The following ANKRD44 variants were observed in gnomAD, a reference collection of about 807,000 sequenced individuals.
ANKRD44 encodes the protein serine/threonine-protein phosphatase 6 regulatory ankyrin repeat subunit B.
A neutral mutation model predicts 116.0 loss-of-function variants in ANKRD44; 35 were observed. That is an observed-to-expected ratio of 0.30 (90% CI 0.23 to 0.40). ANKRD44 has a LOEUF of 0.40. ANKRD44 is among the 10% of genes least tolerant of loss of function. ANKRD44 has a pLI of 1.00. For synonymous variants in ANKRD44, 435 were observed against 461.8 expected, an observed-to-expected ratio of 0.94 and a Z score of 0.74; for missense variants, 1,014 against 1,242.6, an observed-to-expected ratio of 0.82 and a Z score of 2.77.
intron 1 of ANKRD44, among the ~76,000 whole-genome samples, chr2:197,216,341 T>G (rs2081441963): frequency 6.6e-6 from 1 of 152,206 alleles, no homozygotes; most frequent in African/African-American, 2.4e-5. Context: ...ATTCATGCTA[T>G]CCAGTAATCC....
Position 197,081,705 on chromosome 2 carries a change from G to A in ANKRD44, c.1478C>T (p.Ala493Val). Residue 493 changes from alanine to valine, a missense_variant, in exon 15 of 28, where the codon GCC becomes GTC. Physicochemically the swap from Ala to Val is moderately conservative, Grantham distance 64. Coordinates refer to ENST00000282272, the MANE Select transcript of ANKRD44 (RefSeq NM_001195144.2). ...TTCAAGTTCTTCTGAATTATCATGGGCATTTCCTAAGATAGTCTTACTTCT... is the reference window on the plus strand; with the variant it reads ...TTCAAGTTCTTCTGAATTATCATGGACATTTCCTAAGATAGTCTTACTTCT... ...MDRNKTILGN[A>V]HDNSEELERA... 1.2e-6 allele frequency: 2 copies of A among 1,613,572 alleles called. No individual in the cohort carries two copies. The highest frequency in any genetic ancestry group is 1.7e-6 in the Non-Finnish European group (2 of 1,179,728).
At chr2:197,129,965 A>C (rs939977068) in intron 4 of ANKRD44, among the ~76,000 whole-genome samples, 3 of 152,216 alleles carry the variant, frequency 2.0e-5, no homozygotes, top group African/African-American at 7.2e-5. Context: ...TGTACTCTCC[A>C]CAAAGCCTGG....
intron 21 of ANKRD44, among the ~76,000 whole-genome samples, chr2:196,973,647 A>C (rs2075731090): frequency 6.6e-6 from 1 of 152,160 alleles, no homozygotes; most frequent in South Asian, 2.1e-4. Context: ...CTTATTGCCT[A>C]TAAGGGAATA....
intron 1 of ANKRD44, among the ~76,000 whole-genome samples, chr2:197,232,734 T>C (rs750904955): frequency 3.3e-5 from 5 of 152,204 alleles, no homozygotes; most frequent in Non-Finnish European, 5.9e-5. Flanking sequence ...TTGATCAAAA[T>C]GTAAGTTCAC....
intron 16 of ANKRD44, among the ~76,000 whole-genome samples, chr2:197,031,821 T>C: frequency 1.3e-5 from 2 of 152,342 alleles, no homozygotes; most frequent in Admixed American, 1.3e-4. Flanking sequence ...TTAAATAATC[T>C]AGTATCTGTT....
At chr2:197,309,174 C>T (rs184476556) in intron 1 of ANKRD44, among the ~76,000 whole-genome samples, 4 of 152,240 alleles carry the variant, frequency 2.6e-5, no homozygotes, top group South Asian at 2.1e-4. Flanking sequence ...GCCCAAGACA[C>T]GCTAAAACTG....
chr2:197,048,204 T>C (rs937307802), intron 16 of ANKRD44, among the ~76,000 whole-genome samples: 1 of 152,218 alleles, frequency 6.6e-6, no homozygotes, highest in African/African-American at 2.4e-5. Context: ...TATTTTTTTA[T>C]TATACTTTAA....
intron 9 of ANKRD44, among the ~76,000 whole-genome samples, chr2:197,106,683 G>A (rs1323286149): frequency 2.0e-5 from 3 of 151,606 alleles, no homozygotes; most frequent in South Asian, 2.1e-4. Flanking sequence ...CCAGCTACTC[G>A]GGAGGCTGAG....
intron 1 of ANKRD44, among the ~76,000 whole-genome samples, chr2:197,298,253 T>A (rs567246345): frequency 6.6e-6 from 1 of 152,330 alleles, no homozygotes; most frequent in African/African-American, 2.4e-5. Flanking sequence ...AGAAAGCGAT[T>A]TTTGGCAACT....
At chr2:196,969,619 A>G (rs1005743076) in intron 21 of ANKRD44, among the ~76,000 whole-genome samples, 1 of 152,356 alleles carries the variant, frequency 6.6e-6, no homozygotes, top group Non-Finnish European at 1.5e-5. Flanking sequence ...TGGCATCTAC[A>G]TTGCTAGTGA....
chr2:197,146,822 A>C (rs1392417858), intron 3 of ANKRD44, among the ~76,000 whole-genome samples: 1 of 152,222 alleles, frequency 6.6e-6, no homozygotes, highest in Admixed American at 6.5e-5. Context: ...TTTCAAAGCA[A>C]GATAAAAATG....
intron 14 of ANKRD44, among the ~76,000 whole-genome samples, chr2:197,082,118 T>G (rs762430193): frequency 3.9e-5 from 6 of 152,186 alleles, no homozygotes; most frequent in Non-Finnish European, 8.8e-5. Flanking sequence ...GGGGTCCTAT[T>G]CACCCTTCGT....
At chr2:197,008,793 CTTAAAGCCACCTCA>C (rs1210878951) in intron 19 of ANKRD44, 137 bp downstream of exon 19, 2 of 653,754 alleles carry the variant, frequency 3.1e-6, no homozygotes, top group Non-Finnish European at 5.3e-6. Flanking sequence ...CGCACTGTGA[CTTAAAGCCACCTCA>C]TTGTGTATTG....
At chr2:196,996,772 C>T (rs1228943299) in intron 25 of ANKRD44, among the ~76,000 whole-genome samples, 2 of 151,812 alleles carry the variant, frequency 1.3e-5, no homozygotes, top group East Asian at 1.9e-4. Context: ...GGCATGGTGG[C>T]GCATGCCTGT....
At chr2:196,973,647 A>G (rs2075731090) in intron 21 of ANKRD44, among the ~76,000 whole-genome samples, 1 of 152,160 alleles carries the variant, frequency 6.6e-6, no homozygotes, top group African/African-American at 2.4e-5. Context: ...CTTATTGCCT[A>G]TAAGGGAATA....
At chr2:197,050,339 C>A (rs2077083471) in intron 16 of ANKRD44, among the ~76,000 whole-genome samples, 1 of 152,132 alleles carries the variant, frequency 6.6e-6, no homozygotes, top group African/African-American at 2.4e-5. Context: ...TGAGTGGGGA[C>A]ACATATCCAA....
rs549243747 is a variant in ANKRD44, at chr2:197,201,560, C to G, written c.28-14454G>C. Among the ~76,000 whole-genome samples, 2 of 152,274 alleles carry G rather than the reference C, an allele frequency of 1.3e-5. No homozygotes were observed. Among genetic ancestry groups the G allele is most frequent in the East Asian group, 3.9e-4 (2 of 5,178 alleles). On this transcript the variant is annotated intron_variant, in intron 1 of 27. Coordinates refer to ENST00000282272, the MANE Select transcript of ANKRD44 (RefSeq NM_001195144.2). The surrounding 1 kb of genome is among the most constrained non-coding windows in gnomAD (Gnocchi z 4.0). The stretch of plus-strand genomic sequence containing the variant: ...ACCAACAATCCCCCTGACGTTGGCT[C>G]TGAATGATGTGGAGACCCTGTTAGT...
chr2:197,083,917 T>G (rs1465538251), intron 13 of ANKRD44, among the ~76,000 whole-genome samples: 1 of 152,134 alleles, frequency 6.6e-6, no homozygotes, highest in East Asian at 1.9e-4. Flanking sequence ...CATGGATCTG[T>G]CCTTTCTTTT....
At chr2:197,250,495 C>T (rs999393509) in intron 1 of ANKRD44, among the ~76,000 whole-genome samples, 6 of 152,204 alleles carry the variant, frequency 3.9e-5, no homozygotes, top group African/African-American at 1.4e-4. Flanking sequence ...GCTGGCCACA[C>T]CGCAGCTGAA....
Sources: gnomAD v4.1 joint callset for allele counts (sites outside exome capture counted in the v4.1 genomes callset) on GRCh38, gnomAD v4.1.1 for gene constraint, Gnocchi (gnomAD v3.1) non-coding constraint, MANE v1.5 for transcripts, NCBI Gene and HGNC (gene_info 2026-07-23, HGNC 2026-07-21) for gene names.